The following BRINP3 variants were observed in gnomAD, a reference collection of about 807,000 sequenced individuals.
The protein encoded by BRINP3 is BMP/retinoic acid-inducible neural-specific protein 3.
In BRINP3, 19 loss-of-function variants were observed where a neutral mutation model predicts 71.0. The observed-to-expected ratio is 0.27, with a 90% CI of 0.19 to 0.39. The LOEUF (loss-of-function observed/expected upper bound fraction) is 0.39. BRINP3 is among the 10% of genes least tolerant of loss of function. BRINP3 has a pLI of 1.00. For missense variants in BRINP3, 959 were observed against 940.8 expected (o/e 1.02, Z -0.25); for synonymous variants, 380 against 337.7 (o/e 1.13, Z -1.37).
At position 190,159,015 on chromosome 1, in the gene BRINP3, T is replaced by C. The variant is rs144254719; in HGVS notation, c.1184+1653A>G. 7.4e-4 allele frequency among the ~76,000 whole-genome samples: 112 copies of C among 152,058 alleles called. 1 individual carries two copies. In the East Asian group the frequency reaches 0.021, roughly 28 times the overall value. On this transcript the variant is annotated intron_variant, in intron 7 of 7. Coordinates refer to ENST00000367462, the MANE Select transcript of BRINP3 (RefSeq NM_199051.3). The stretch of plus-strand genomic sequence containing the variant: ...CATATGAAGTCCTCTTACAACTCAA[T>C]GCCCACTTTCAAAAAAATATTGAAA...
chr1:190,309,366 T>A (rs969935377), intron 2 of BRINP3, among the ~76,000 whole-genome samples: 3 of 151,820 alleles, frequency 2.0e-5, no homozygotes, highest in Non-Finnish European at 4.4e-5. Context: ...TTTCTGAAAA[T>A]GTATAGTATT....
In BRINP3 at chr1:190,226,126, A is replaced by T; in HGVS notation, c.917T>A (p.Ile306Lys). ...GTTGTAAGCTTTCCAGGTTTCAGTTATTCGAAGAAGATTCTCTTCCATGGC... is the reference window on the plus strand; with the variant it reads ...GTTGTAAGCTTTCCAGGTTTCAGTTTTTCGAAGAAGATTCTCTTCCATGGC... ...IQAMEENLLR[I>K]TETWKAYNSD... is the part of the protein sequence containing the mutation. The change falls in exon 6 of 8, where the codon ATA (isoleucine) becomes AAA (lysine). Residue 306 changes from isoleucine (I) to lysine (K), a missense_variant. Ile to Lys is a moderately radical substitution (Grantham distance 102). Transcript: ENST00000367462. 1.2e-6 allele frequency: 2 copies of T among 1,610,706 alleles called. No homozygotes were observed. The highest frequency in any genetic ancestry group is 1.7e-5 in the Admixed American group (1 of 59,652).
At chr1:190,423,495 A>G (rs937980581) in intron 2 of BRINP3, among the ~76,000 whole-genome samples, 5 of 151,838 alleles carry the variant, frequency 3.3e-5, no homozygotes, top group African/African-American at 1.2e-4. Context: ...TTTTCCTTCC[A>G]TAATACTATG....
At chr1:190,452,197 TAA>T (rs1675655550) in intron 2 of BRINP3, among the ~76,000 whole-genome samples, 1 of 152,204 alleles carries the variant, frequency 6.6e-6, no homozygotes, top group Admixed American at 6.5e-5. Flanking sequence ...AGACAAATAT[TAA>T]AGACAAAACT....
intron 4 of BRINP3, among the ~76,000 whole-genome samples, chr1:190,259,839 G>A (rs900265756): frequency 1.3e-5 from 2 of 151,652 alleles, no homozygotes; most frequent in African/African-American, 4.8e-5. Context: ...AGACCAGCTT[G>A]ACCAATATGT....
chr1:190,333,505 C>T (rs1317312640), intron 2 of BRINP3, among the ~76,000 whole-genome samples: 2 of 151,708 alleles, frequency 1.3e-5, no homozygotes, highest in African/African-American at 4.8e-5. Flanking sequence ...ACTAAATATG[C>T]ATTATTAATG....
chr1:190,310,103 G>GTT (rs5779519), intron 2 of BRINP3, among the ~76,000 whole-genome samples: 2 of 138,664 alleles, frequency 1.4e-5, no homozygotes, highest in Non-Finnish European at 1.6e-5. Context: ...TGTGGTTGTT[G>GTT]TTTTTTTTTT....
intron 1 of BRINP3, among the ~76,000 whole-genome samples, chr1:190,460,520 T>C (rs1435152361): frequency 6.6e-6 from 1 of 152,146 alleles, no homozygotes; most frequent in Non-Finnish European, 1.5e-5. Context: ...AGTAATAATG[T>C]AGAAAACCAG....
chr1:190,460,576 C>T (rs1676321437), intron 1 of BRINP3, among the ~76,000 whole-genome samples: 1 of 151,986 alleles, frequency 6.6e-6, no homozygotes, highest in African/African-American at 2.4e-5. Flanking sequence ...TGCAAAATAT[C>T]ATGATAAGTT....
chr1:190,282,496 C>T (rs1663116270), intron 2 of BRINP3, among the ~76,000 whole-genome samples: 1 of 151,662 alleles, frequency 6.6e-6, no homozygotes, highest in South Asian at 2.1e-4. Context: ...GAGAAGTGGT[C>T]CAATAAAATT....
At chr1:190,175,158 C>A (rs1397553075) in intron 6 of BRINP3, among the ~76,000 whole-genome samples, 3 of 152,038 alleles carry the variant, frequency 2.0e-5, no homozygotes, top group Non-Finnish European at 4.4e-5. Flanking sequence ...TAGTAGTAAT[C>A]TAGGCAATAA....
At chr1:190,237,551 TA>T (rs963003226) in intron 4 of BRINP3, among the ~76,000 whole-genome samples, 1 of 151,936 alleles carries the variant, frequency 6.6e-6, no homozygotes, top group Non-Finnish European at 1.5e-5. Context: ...AGCAATGAAA[TA>T]AAATACTTTG....
In BRINP3 at chr1:190,396,713, GATATATATATAT is replaced by G. The variant is rs3077327; in HGVS notation, c.236+57930_236+57941del. On this transcript the variant is annotated intron_variant, in intron 2 of 7. Transcript: ENST00000367462. Reference sequence around the variant, plus strand: ...ACGCACTATGCATTCCTAATTTAATGATATATATATATATATATATATATATGTAACTAACAG... The same window carrying G: ...ACGCACTATGCATTCCTAATTTAATGATATATATATATATGTAACTAACAG... Among the ~76,000 whole-genome samples the G allele has an allele frequency of 6.9e-5, 7 of 101,008 alleles. 1 individual carries two copies. Among genetic ancestry groups the G allele is most frequent in the Admixed American group, 2.8e-4 (3 of 10,698 alleles). The allele number at this position is 101,008 out of a possible 152,430, so 66.3% of individuals were successfully genotyped here.
rs1049445764 is a variant in BRINP3, at chr1:190,342,100, G to C, written c.237-60350C>G. Among the ~76,000 whole-genome samples, 8 of 151,302 alleles carry C rather than the reference G, an allele frequency of 5.3e-5. No homozygotes were observed. In the South Asian group the frequency reaches 1.7e-3, roughly 32 times the overall value. On this transcript the variant is annotated intron_variant, in intron 2 of 7. Coordinates refer to ENST00000367462, the MANE Select transcript of BRINP3 (RefSeq NM_199051.3). Reference sequence around the variant, plus strand: ...ACTTCAAAGTCAGCAGGGTTGCGATGGGTCTTTTTCTCAGTCTTGCATTTA... The same window carrying C: ...ACTTCAAAGTCAGCAGGGTTGCGATCGGTCTTTTTCTCAGTCTTGCATTTA...
intron 7 of BRINP3, among the ~76,000 whole-genome samples, chr1:190,159,423 T>C (rs955085977): frequency 6.6e-6 from 1 of 152,080 alleles, no homozygotes; most frequent in Admixed American, 6.6e-5. Context: ...CATGAATGTT[T>C]ATAGAAGCAT....
In BRINP3 at chr1:190,281,605, T is replaced by C. The variant is rs377449351; in HGVS notation, c.382A>G (p.Ile128Val). ...AAGAAATGTGTCCCATATTTCTTGA[T>C]AAGGTTTTCTGTGATTTGCTGAAGG... Reference protein sequence around the residue: ...PTLQQITENLIKKYGTHFLLS... With the variant: ...PTLQQITENLVKKYGTHFLLS... Residue 128 changes from isoleucine (I) to valine (V), a missense_variant, in exon 3 of 8, where the codon ATC becomes GTC. Physicochemically the swap from Ile to Val is conservative, Grantham distance 29. Coordinates refer to ENST00000367462, the MANE Select transcript of BRINP3 (RefSeq NM_199051.3). The C allele has an allele frequency of 3.1e-6, 5 of 1,612,682 alleles. No individual in the cohort carries two copies. Among genetic ancestry groups the C allele is most frequent in the African/African-American group, 1.3e-5 (1 of 74,780 alleles).
intron 2 of BRINP3, among the ~76,000 whole-genome samples, chr1:190,389,491 T>C (rs1276611682): frequency 6.6e-6 from 1 of 151,836 alleles, no homozygotes; most frequent in African/African-American, 2.4e-5. Context: ...TAAAATTTAG[T>C]CTCATTAACT....
At chr1:190,454,256 T>C (rs1675838757) in intron 2 of BRINP3, among the ~76,000 whole-genome samples, 1 of 152,198 alleles carries the variant, frequency 6.6e-6, no homozygotes, top group Non-Finnish European at 1.5e-5. Flanking sequence ...AACTTCTCAG[T>C]GACTAGTAGA....
At chr1:190,388,403 G>T (rs552637897) in intron 2 of BRINP3, among the ~76,000 whole-genome samples, 1 of 151,670 alleles carries the variant, frequency 6.6e-6, no homozygotes, top group Non-Finnish European at 1.5e-5. Flanking sequence ...TAGAACAAAG[G>T]TCACACTGAA....
Sources: gnomAD v4.1 joint callset for allele counts (sites outside exome capture counted in the v4.1 genomes callset) on GRCh38, gnomAD v4.1.1 for gene constraint, MANE v1.5 for transcripts, NCBI Gene and HGNC (gene_info 2026-07-23, HGNC 2026-07-21) for gene names.